Variants in KMO observed in about 807,000 individuals in gnomAD.
KMO encodes kynurenine 3-monooxygenase.
KMO carries 24 observed loss-of-function variants against 57.8 expected under a neutral mutation model. The observed-to-expected ratio is 0.42, with a 90% confidence interval of 0.30 to 0.58. The LOEUF is 0.58. Among genes scored for constraint, KMO ranks in the 20% least tolerant of loss-of-function variants. The probability of loss-of-function intolerance (pLI) is 0.22; values close to 1 mark genes in which losing one functional copy is unlikely to be tolerated. For missense variants in KMO, 483 were observed against 588.2 expected (o/e 0.82, Z 1.85); for synonymous variants, 210 against 193.6 (o/e 1.08, Z -0.70).
intron 11 of KMO, among the ~76,000 whole-genome samples, chr1:241,586,987 G>A (rs540728893): frequency 7.4e-4 from 112 of 152,282 alleles, no homozygotes; most frequent in Middle Eastern, 3.4e-3. Context: ...AGAGATTAAA[G>A]CTCAGAGTAC....
chr1:241,545,616 A>G (rs949752610), intron 1 of KMO, among the ~76,000 whole-genome samples: 4 of 152,286 alleles, frequency 2.6e-5, no homozygotes, highest in African/African-American at 9.6e-5. Flanking sequence ...TAACTTGATT[A>G]CCTATATTAA....
At chr1:241,552,239 G>T (rs1245060793) in intron 4 of KMO, among the ~76,000 whole-genome samples, 1 of 152,014 alleles carries the variant, frequency 6.6e-6, no homozygotes, top group Non-Finnish European at 1.5e-5. Context: ...GAAAGCGTTG[G>T]TGTGAGTTCC....
chr1:241,564,698 A>G, intron 7 of KMO, among the ~76,000 whole-genome samples: 1 of 136,592 alleles, frequency 7.3e-6, no homozygotes, highest in Non-Finnish European at 1.6e-5. Context: ...TCAAGATTTG[A>G]GAACATAAGA....
At chr1:241,547,622 A>G in intron 1 of KMO, among the ~76,000 whole-genome samples, 1 of 151,914 alleles carries the variant, frequency 6.6e-6, no homozygotes, top group Non-Finnish European at 1.5e-5. Flanking sequence ...TTTAGTAATT[A>G]AGCATATGCA....
chr1:241,575,505 T>C (rs1662476882), intron 10 of KMO, among the ~76,000 whole-genome samples: 1 of 152,104 alleles, frequency 6.6e-6, no homozygotes, highest in African/African-American at 2.4e-5. Flanking sequence ...GAAATTTCCA[T>C]CTTGATTTCA....
rs58579071 is a variant in KMO, at chr1:241,587,061, C to T, written c.1015+325C>T. ...CAGCCTAGGTAACACCCTCTGCCTGCGCCTCCTAGCAACAGTCCCAACGTT... is the reference window on the plus strand; with the variant it reads ...CAGCCTAGGTAACACCCTCTGCCTGTGCCTCCTAGCAACAGTCCCAACGTT... On this transcript the variant is annotated intron_variant, in intron 11 of 14. Coordinates refer to ENST00000366559, the MANE Select transcript of KMO (RefSeq NM_003679.5). 7.9e-3 allele frequency among the ~76,000 whole-genome samples: 1,206 copies of T among 152,196 alleles called. 10 individuals are homozygous for T. Among genetic ancestry groups the T allele is most frequent in the African/African-American group, 0.028 (1,149 of 41,520 alleles).
chr1:241,588,934 A>G (rs1573942288), intron 12 of KMO, 104 bp downstream of exon 12: 2 of 754,296 alleles, frequency 2.7e-6, no homozygotes, highest in East Asian at 2.6e-5. Flanking sequence ...TGCATGCTAT[A>G]TAAGAATACC....
rs1400014504 is a variant in KMO at position 241,534,216 on chromosome 1, A to G, written c.54+1718A>G. 2.0e-5 allele frequency among the ~76,000 whole-genome samples: 3 copies of G among 152,254 alleles called. No individual in the cohort carries two copies. The East Asian group carries it at 5.8e-4, about 29-fold the overall frequency. On this transcript the variant is annotated intron_variant, in intron 1 of 14. Coordinates refer to ENST00000366559, the MANE Select transcript of KMO (RefSeq NM_003679.5). ...ACTAGGAACATTTTAAGATGACAAG[A>G]TAGACCAGTTAGGAGGCTGTTACGT...
chr1:241,542,036 A>G (rs1373673608), intron 1 of KMO, among the ~76,000 whole-genome samples: 2 of 152,212 alleles, frequency 1.3e-5, no homozygotes, highest in East Asian at 3.8e-4. Context: ...AAGACATAAA[A>G]TGTACGGAAT....
At chr1:241,556,106 T>G (rs1661612086) in intron 5 of KMO, among the ~76,000 whole-genome samples, 1 of 151,900 alleles carries the variant, frequency 6.6e-6, no homozygotes, top group South Asian at 2.1e-4. Context: ...AAAAAAGAAA[T>G]AAATAAATGA....
chr1:241,590,911 G>A (rs1663271193), intron 14 of KMO, among the ~76,000 whole-genome samples: 1 of 152,158 alleles, frequency 6.6e-6, no homozygotes, highest in African/African-American at 2.4e-5. Context: ...GGGGAAGGCG[G>A]AAGACACATG....
intron 1 of KMO, among the ~76,000 whole-genome samples, chr1:241,534,574 C>T (rs1660689883): frequency 6.6e-6 from 1 of 152,252 alleles, no homozygotes; most frequent in South Asian, 2.1e-4. Context: ...TGTGCAAACG[C>T]TTATTCTTCT....
chr1:241,579,458 T>G (rs932383579), intron 10 of KMO, among the ~76,000 whole-genome samples: 4 of 152,050 alleles, frequency 2.6e-5, no homozygotes, highest in Admixed American at 6.5e-5. Context: ...TTCTGGCCAC[T>G]AAGGTAACGC....
chr1:241,569,110 C>A (rs1662185848), intron 10 of KMO, among the ~76,000 whole-genome samples: 3 of 151,766 alleles, frequency 2.0e-5, no homozygotes, highest in Non-Finnish European at 4.4e-5. Flanking sequence ...TGTATATGAC[C>A]ATATCAGGGT....
chr1:241,548,088 A>AACACACACACACACACACACACAC (rs60952289), intron 1 of KMO, among the ~76,000 whole-genome samples: 94 of 148,942 alleles, frequency 6.3e-4, no homozygotes, highest in Middle Eastern at 6.9e-3. Flanking sequence ...AAACAAACAA[A>AACACACACACACACACACACACAC]ACACACACAC....
At chr1:241,533,796 G>C (rs1660661909) in intron 1 of KMO, among the ~76,000 whole-genome samples, 1 of 152,194 alleles carries the variant, frequency 6.6e-6, no homozygotes, top group Admixed American at 6.5e-5. Flanking sequence ...GCTGTAGAGA[G>C]TATCTTTGGG....
intron 7 of KMO, 128 bp downstream of exon 7, chr1:241,562,460 A>T: frequency 2.3e-6 from 2 of 852,558 alleles, no homozygotes; most frequent in Non-Finnish European, 3.8e-6. Context: ...AGAACTTTGT[A>T]ATGAAGAATA....
rs145385274 is a variant in KMO, at chr1:241,550,898, T to G, written c.223-57T>G. On this transcript the variant is annotated intron_variant, in intron 3 of 14. Coordinates refer to ENST00000366559, the MANE Select transcript of KMO (RefSeq NM_003679.5). ...TACATTTAAAAATCAACTTCTATCT[T>G]TCTTGCATAATGCCATGTTACTGTC... The G allele has an allele frequency of 7.1e-5, 56 of 793,576 alleles. No homozygotes were observed. The African/African-American group carries it at 9.3e-4, about 13-fold the overall frequency. 49.2% of individuals were successfully genotyped at this position (793,576 alleles called of 1,614,324 possible).
intron 1 of KMO, among the ~76,000 whole-genome samples, chr1:241,544,972 C>A (rs1389383853): frequency 6.6e-6 from 1 of 152,078 alleles, no homozygotes; most frequent in Non-Finnish European, 1.5e-5. Flanking sequence ...TACATTTATA[C>A]CTTTGTCTCT....
Sources: gnomAD v4.1 joint callset for allele counts (sites outside exome capture counted in the v4.1 genomes callset) on GRCh38, gnomAD v4.1.1 for gene constraint, MANE v1.5 for transcripts, NCBI Gene and HGNC (gene_info 2026-07-23, HGNC 2026-07-21) for gene names.